CNTN4: variants seen among roughly 807,000 people sequenced by gnomAD.
CNTN4 encodes the protein contactin-4.
Under a neutral mutation model 122.5 loss-of-function variants are expected in CNTN4, and 77 were observed. The ratio of observed to expected loss-of-function variants is 0.63; its 90% CI spans 0.52 to 0.76. The LOEUF (loss-of-function observed/expected upper bound fraction) is 0.76, where lower values mean the gene tolerates loss of function less well. CNTN4 is among the 30% of genes least tolerant of loss of function. CNTN4 has a pLI of 0.00. For missense variants in CNTN4, 1,256 were observed against 1,259.1 expected (o/e 1.00, Z 0.04); for synonymous variants, 512 against 447.0 (o/e 1.15, Z -1.83).
intron 4 of CNTN4, among the ~76,000 whole-genome samples, chr3:2,663,769 A>G (rs968367288): frequency 1.3e-5 from 2 of 152,216 alleles, no homozygotes; most frequent in African/African-American, 4.8e-5. Flanking sequence ...TGGTGAATGC[A>G]TGCATACAAT....
intron 14 of CNTN4, among the ~76,000 whole-genome samples, chr3:3,006,862 A>T (rs1035058096): frequency 3.3e-5 from 5 of 152,186 alleles, no homozygotes; most frequent in Non-Finnish European, 5.9e-5. Context: ...TCTGTCAAAC[A>T]TCTAAGAGCT....
intron 13 of CNTN4, among the ~76,000 whole-genome samples, chr3:2,935,181 C>T (rs755361634): frequency 7.2e-5 from 11 of 152,228 alleles, no homozygotes; most frequent in South Asian, 2.1e-4. Flanking sequence ...TGACTAAATC[C>T]GGTGACTACC....
At chr3:2,149,922 C>T (rs1434504699) in intron 2 of CNTN4, among the ~76,000 whole-genome samples, 1 of 150,108 alleles carries the variant, frequency 6.7e-6, no homozygotes, top group African/African-American at 2.4e-5. Context: ...TCAGGCAGAC[C>T]TTTGCGTTTT....
chr3:2,455,415 C>T (rs1408299267), intron 3 of CNTN4, among the ~76,000 whole-genome samples: 1 of 152,058 alleles, frequency 6.6e-6, no homozygotes, highest in African/African-American at 2.4e-5. Flanking sequence ...GCTGAAAGTA[C>T]AGCAAAAAGA....
At position 2,434,102 on chromosome 3, in the gene CNTN4, A is replaced by G. The variant is rs141343562; in HGVS notation, c.-89+94869A>G. ...TGATCTATTGCACAAAGTGATGACT[A>G]TAATAAATAATAATGCATTACATAC... is the stretch of plus-strand genomic sequence containing the variant. On this transcript the variant is annotated intron_variant, in intron 3 of 24. Coordinates refer to ENST00000418658, the MANE Select transcript of CNTN4 (RefSeq NM_175607.3). 4.1e-3 allele frequency among the ~76,000 whole-genome samples: 631 copies of G among 152,290 alleles called. 1 individual carries two copies. The highest frequency in any genetic ancestry group is 9.0e-3 in the African/African-American group (373 of 41,566).
chr3:2,835,285 A>G (rs1288030208), intron 7 of CNTN4, among the ~76,000 whole-genome samples: 1 of 152,174 alleles, frequency 6.6e-6, no homozygotes, highest in Non-Finnish European at 1.5e-5. Context: ...ACCATGAAAC[A>G]TAGAGTCATA....
At chr3:2,115,981 A>G (rs1199225920) in intron 2 of CNTN4, among the ~76,000 whole-genome samples, 4 of 152,184 alleles carry the variant, frequency 2.6e-5, no homozygotes, top group Non-Finnish European at 4.4e-5. Flanking sequence ...GAGTCTTGGT[A>G]TTTATGCAGT....
rs552341896 is a variant in CNTN4, at chr3:2,568,332, A to C, written c.-88-3084A>C. On this transcript the variant is annotated intron_variant, in intron 3 of 24. Coordinates refer to ENST00000418658, the MANE Select transcript of CNTN4 (RefSeq NM_175607.3). ...GCAAGAATGTGAAAAAAAAAAAAAA[A>C]AAAAAAAACCACCCTGTACAATTCT... 6.3e-4 allele frequency among the ~76,000 whole-genome samples: 96 copies of C among 151,224 alleles called. 4 individuals carry two copies. Among genetic ancestry groups the C allele is most frequent in the Admixed American group, 6.3e-3 (95 of 15,154 alleles).
chr3:3,019,056 G>T (rs915884205), intron 14 of CNTN4, among the ~76,000 whole-genome samples: 5 of 152,116 alleles, frequency 3.3e-5, no homozygotes, highest in Non-Finnish European at 5.9e-5. Flanking sequence ...TTATCCTAAT[G>T]TAAGTAAGTA....
At chr3:2,741,127 A>C (rs774477319) in intron 5 of CNTN4, among the ~76,000 whole-genome samples, 40 of 152,238 alleles carry the variant, frequency 2.6e-4, no homozygotes, top group Admixed American at 6.5e-5. Flanking sequence ...GCAATGTACC[A>C]GTCAGCATGC....
chr3:2,125,556 CTTTTTCT>C (rs1327505531), intron 2 of CNTN4, among the ~76,000 whole-genome samples: 134 of 133,390 alleles, frequency 1.0e-3, no homozygotes, highest in African/African-American at 3.3e-3. Flanking sequence ...TTTTCTTTTT[CTTTTTCT>C]TTTTTTTTTT....
At chr3:2,658,950 CCACACACACAAACAGA>C (rs1421973173) in intron 4 of CNTN4, among the ~76,000 whole-genome samples, 1 of 120,414 alleles carries the variant, frequency 8.3e-6, no homozygotes, top group South Asian at 2.8e-4. Context: ...AATAACACAC[CCACACACACAAACAGA>C]CACACACACA....
chr3:2,700,662 AAAG>A (rs1294076325), intron 4 of CNTN4, among the ~76,000 whole-genome samples: 2 of 151,828 alleles, frequency 1.3e-5, no homozygotes, highest in African/African-American at 4.8e-5. Context: ...GCAAAAAAAA[AAAG>A]AAAGGATTTT....
At chr3:2,814,334 A>G (rs1055366983) in intron 6 of CNTN4, among the ~76,000 whole-genome samples, 1 of 152,228 alleles carries the variant, frequency 6.6e-6, no homozygotes, top group Non-Finnish European at 1.5e-5. Context: ...ATTCAATACT[A>G]TCTTTGGTGA....
intron 8 of CNTN4, among the ~76,000 whole-genome samples, chr3:2,874,494 C>T (rs998723989): frequency 1.3e-5 from 2 of 152,166 alleles, no homozygotes; most frequent in African/African-American, 4.8e-5. Flanking sequence ...AACGAATACT[C>T]ATTGAGTATC....
chr3:2,342,068 G>A (rs762643550), intron 3 of CNTN4, among the ~76,000 whole-genome samples: 3 of 152,132 alleles, frequency 2.0e-5, no homozygotes, highest in Non-Finnish European at 4.4e-5. Context: ...TGGTTGAATG[G>A]GCCATTTAGA....
At chr3:2,341,770 A>G (rs1443405766) in intron 3 of CNTN4, among the ~76,000 whole-genome samples, 1 of 152,270 alleles carries the variant, frequency 6.6e-6, no homozygotes, top group African/African-American at 2.4e-5. Context: ...ACTTGTTGCC[A>G]GCACTTAAAA....
intron 2 of CNTN4, chr3:2,110,421 T>C (rs1030671161): frequency 5.3e-5 from 8 of 152,066 alleles, no homozygotes; most frequent in African/African-American, 1.9e-4. Flanking sequence ...TACTTAAATG[T>C]TTTATATATT....
At chr3:2,295,278 G>C (rs1384038379) in intron 2 of CNTN4, among the ~76,000 whole-genome samples, 1 of 142,572 alleles carries the variant, frequency 7.0e-6, no homozygotes, top group Non-Finnish European at 1.5e-5. Context: ...GGTTGAACTA[G>C]TTTACAGTCC....
Sources: gnomAD v4.1 joint callset for allele counts (sites outside exome capture counted in the v4.1 genomes callset) on GRCh38, gnomAD v4.1.1 for gene constraint, MANE v1.5 for transcripts, NCBI Gene and HGNC (gene_info 2026-07-23, HGNC 2026-07-21) for gene names.